The following GPC5 variants were observed in gnomAD, a reference collection of about 807,000 sequenced individuals.
GPC5 encodes the protein glypican-5.
In GPC5, 47 loss-of-function variants were observed where a neutral mutation model predicts 53.9. The observed-to-expected ratio is 0.87, with a 90% CI of 0.69 to 1.11. GPC5 has a LOEUF of 1.11. GPC5 is among the 50% of genes most tolerant of loss of function. The pLI is 0.00. For synonymous variants in GPC5, 286 were observed against 263.3 expected, an observed-to-expected ratio of 1.09 and a Z score of -0.84; for missense variants, 748 against 713.1, an observed-to-expected ratio of 1.05 and a Z score of -0.56.
At chr13:92,632,774 G>C (rs1038224010) in intron 7 of GPC5, among the ~76,000 whole-genome samples, 1 of 152,072 alleles carries the variant, frequency 6.6e-6, no homozygotes, top group African/African-American at 2.4e-5. Context: ...TCAGTTCCAC[G>C]TGGCTAGGGA....
chr13:92,098,901 A>G (rs951938092), intron 6 of GPC5, among the ~76,000 whole-genome samples: 3 of 151,718 alleles, frequency 2.0e-5, no homozygotes, highest in African/African-American at 7.3e-5. Context: ...CTATTAAACC[A>G]CTAAACTTCT....
At chr13:91,977,300 A>C (rs1464839652) in intron 6 of GPC5, among the ~76,000 whole-genome samples, 1 of 152,212 alleles carries the variant, frequency 6.6e-6, no homozygotes, top group East Asian at 1.9e-4. Context: ...ATATAAGGAT[A>C]CATGAGTGAA....
intron 5 of GPC5, among the ~76,000 whole-genome samples, chr13:91,768,931 T>G (rs1298708457): frequency 6.6e-6 from 1 of 152,192 alleles, no homozygotes; most frequent in South Asian, 2.1e-4. Context: ...ACATCACACC[T>G]GCAGTCAGAG....
At chr13:92,079,379 A>G (rs1352485377) in intron 6 of GPC5, among the ~76,000 whole-genome samples, 2 of 152,160 alleles carry the variant, frequency 1.3e-5, no homozygotes, top group Non-Finnish European at 2.9e-5. Flanking sequence ...CAGATCCCAC[A>G]TCCACTCATC....
intron 7 of GPC5, among the ~76,000 whole-genome samples, chr13:92,294,586 C>G (rs116130904): frequency 0.02 from 3,068 of 152,066 alleles, 109 homozygotes; most frequent in African/African-American, 0.071. Flanking sequence ...TGGATTTTCT[C>G]TCTTTTTCTT....
intron 5 of GPC5, among the ~76,000 whole-genome samples, chr13:91,785,087 T>C (rs2037858024): frequency 6.6e-6 from 1 of 152,260 alleles, no homozygotes; most frequent in Admixed American, 6.5e-5. Flanking sequence ...TGATTCTTTC[T>C]CACCGGTCAT....
At chr13:92,101,818 T>G (rs775239498) in intron 6 of GPC5, among the ~76,000 whole-genome samples, 1 of 152,230 alleles carries the variant, frequency 6.6e-6, no homozygotes, top group Non-Finnish European at 1.5e-5. Flanking sequence ...AAATCCTGAC[T>G]TCTTTTAGTT....
intron 7 of GPC5, among the ~76,000 whole-genome samples, chr13:92,322,093 C>T (rs1385148291): frequency 6.6e-6 from 1 of 151,922 alleles, no homozygotes. Context: ...ACTTGTACCC[C>T]GACCTTAAAA....
intron 3 of GPC5, among the ~76,000 whole-genome samples, chr13:91,694,599 T>A (rs2035839775): frequency 6.6e-6 from 1 of 152,330 alleles, no homozygotes; most frequent in East Asian, 1.9e-4. Flanking sequence ...TTTCTAAATA[T>A]TCACTGGCTC....
intron 7 of GPC5, among the ~76,000 whole-genome samples, chr13:92,717,871 G>T (rs559188161): frequency 6.6e-6 from 1 of 151,920 alleles, no homozygotes; most frequent in East Asian, 1.9e-4. Context: ...TCTGACAAAC[G>T]CTTAATAAGC....
At chr13:91,766,161 G>T (rs2037519094) in intron 5 of GPC5, among the ~76,000 whole-genome samples, 1 of 152,196 alleles carries the variant, frequency 6.6e-6, no homozygotes, top group African/African-American at 2.4e-5. Flanking sequence ...ATATTTACAA[G>T]TGGGAATAGT....
At chr13:92,556,149 T>C (rs1194329509) in intron 7 of GPC5, among the ~76,000 whole-genome samples, 9 of 151,900 alleles carry the variant, frequency 5.9e-5, no homozygotes, top group Non-Finnish European at 1.2e-4. Flanking sequence ...TGTTTTGTAA[T>C]GGTGGTAAAA....
chr13:92,577,432 G>GTGTGTGTGTA (rs1471032372), intron 7 of GPC5, among the ~76,000 whole-genome samples: 1 of 151,804 alleles, frequency 6.6e-6, no homozygotes, highest in Non-Finnish European at 1.5e-5. Flanking sequence ...GTGTGTGTGT[G>GTGTGTGTGTA]TGTGTGTGTG....
At chr13:91,558,839 G>T (rs1286007249) in intron 2 of GPC5, among the ~76,000 whole-genome samples, 1 of 133,890 alleles carries the variant, frequency 7.5e-6, no homozygotes, top group East Asian at 1.9e-4. Flanking sequence ...TCTCAGTCAT[G>T]AGGGGGTTGG....
intron 7 of GPC5, among the ~76,000 whole-genome samples, chr13:92,816,128 GA>G (rs1232121667): frequency 1.3e-5 from 2 of 152,026 alleles, no homozygotes; most frequent in Admixed American, 1.3e-4. Context: ...ACTAGATTCT[GA>G]AATGTATCCA....
At chr13:91,991,648 C>CT (rs1261738143) in intron 6 of GPC5, among the ~76,000 whole-genome samples, 3 of 151,940 alleles carry the variant, frequency 2.0e-5, no homozygotes, top group Admixed American at 6.6e-5. Flanking sequence ...TGTTTACAGA[C>CT]TTTTTTTGAA....
chr13:92,059,806 A>G (rs1239782131), intron 6 of GPC5: 4 of 151,796 alleles, frequency 2.6e-5, no homozygotes. Context: ...TAGAGGTATA[A>G]GTATAAGTAT....
At chr13:91,820,473 C>A (rs1167080669) in intron 5 of GPC5, among the ~76,000 whole-genome samples, 1 of 152,098 alleles carries the variant, frequency 6.6e-6, no homozygotes, top group Non-Finnish European at 1.5e-5. Flanking sequence ...TGCAAAGCCT[C>A]CCCCCACCAC....
Position 92,351,158 on chromosome 13 carries a change from T to G in GPC5, c.1561+206169T>G, listed in dbSNP as rs182349585. 1.5e-4 allele frequency among the ~76,000 whole-genome samples: 23 copies of G among 151,954 alleles called. No individual in the cohort carries two copies. The East Asian group carries it at 3.9e-3, about 25-fold the overall frequency. ...TAATATATTACTTATTTTAAAATAT[T>G]TTAAAAACCCTAACAAAATATACGT... On this transcript the variant is annotated intron_variant, in intron 7 of 7. Transcript: ENST00000377067.
Sources: gnomAD v4.1 joint callset for allele counts (sites outside exome capture counted in the v4.1 genomes callset) on GRCh38, gnomAD v4.1.1 for gene constraint, MANE v1.5 for transcripts, NCBI Gene and HGNC (gene_info 2026-07-23, HGNC 2026-07-21) for gene names.